Variants in KDM2A observed in about 807,000 individuals in gnomAD.
KDM2A encodes the protein lysine-specific demethylase 2A.
In KDM2A, 3 loss-of-function variants were observed where a neutral mutation model predicts 137.3. The ratio of observed to expected loss-of-function variants is 0.02; its 90% CI spans 0.01 to 0.06. KDM2A has a LOEUF of 0.06. KDM2A is among the 10% of genes least tolerant of loss of function. The pLI, the probability that KDM2A is intolerant of heterozygous loss-of-function variation, is 1.00. For missense variants in KDM2A, 738 were observed against 1,510.6 expected (o/e 0.49, Z 8.48); for synonymous variants, 512 against 541.5 (o/e 0.95, Z 0.76).
At chr11:67,238,518 GT>G (rs1451498423) in intron 12 of KDM2A, among the ~76,000 whole-genome samples, 1 of 152,162 alleles carries the variant, frequency 6.6e-6, no homozygotes, top group African/African-American at 2.4e-5. Context: ...TCCGGGAGAA[GT>G]TTAGGGTTAG....
intron 2 of KDM2A, among the ~76,000 whole-genome samples, chr11:67,143,993 G>A (rs548979645): frequency 1.3e-5 from 2 of 151,056 alleles, no homozygotes; most frequent in South Asian, 2.1e-4. Context: ...CCAGACTGGC[G>A]TGCAGTGGTG....
chr11:67,170,957 C>G (rs2136326364), intron 2 of KDM2A, among the ~76,000 whole-genome samples: 1 of 152,274 alleles, frequency 6.6e-6, no homozygotes, highest in East Asian at 1.9e-4. Context: ...ACATCAATTA[C>G]TAGCTTTGTA....
At chr11:67,218,507 C>G (rs990355647) in intron 9 of KDM2A, among the ~76,000 whole-genome samples, 1 of 152,104 alleles carries the variant, frequency 6.6e-6, no homozygotes, top group African/African-American at 2.4e-5. Context: ...TGGCCTAACA[C>G]AAATTCATAA....
intron 2 of KDM2A, among the ~76,000 whole-genome samples, chr11:67,122,103 A>G (rs915231189): frequency 1.3e-5 from 2 of 152,218 alleles, no homozygotes; most frequent in African/African-American, 4.8e-5. Flanking sequence ...TCACAGTATT[A>G]ATAAAAATCT....
At chr11:67,253,398 T>G in intron 18 of KDM2A, 55 bp from the exon 19 acceptor site, 1 of 1,517,638 alleles carries the variant, frequency 6.6e-7, no homozygotes, top group Non-Finnish European at 9.1e-7. Context: ...TCGTTACGGC[T>G]CTGAGTATGC....
At chr11:67,239,336 T>G (rs1439815209) in intron 12 of KDM2A, among the ~76,000 whole-genome samples, 1 of 152,172 alleles carries the variant, frequency 6.6e-6, no homozygotes, top group African/African-American at 2.4e-5. Flanking sequence ...TGCGCAGACA[T>G]TTCTAGTACT....
At chr11:67,223,618 C>T (rs1170720711) in intron 10 of KDM2A, among the ~76,000 whole-genome samples, 3 of 151,966 alleles carry the variant, frequency 2.0e-5, no homozygotes, top group East Asian at 3.9e-4. Flanking sequence ...CTATGCTGCC[C>T]AGGCTCGTCT....
chr11:67,127,000 C>T (rs1422946657), intron 2 of KDM2A, among the ~76,000 whole-genome samples: 1 of 152,108 alleles, frequency 6.6e-6, no homozygotes, highest in African/African-American at 2.4e-5. Context: ...AACTCTGATG[C>T]AAGTTTGTAT....
chr11:67,128,788 A>G (rs901175734), intron 2 of KDM2A, among the ~76,000 whole-genome samples: 5 of 152,172 alleles, frequency 3.3e-5, no homozygotes, highest in Non-Finnish European at 5.9e-5. Context: ...GTTTTTGTTT[A>G]TGCTGTGTGC....
intron 2 of KDM2A, among the ~76,000 whole-genome samples, chr11:67,146,020 T>TC (rs968810896): frequency 6.7e-6 from 1 of 148,190 alleles, no homozygotes; most frequent in African/African-American, 2.5e-5. Flanking sequence ...TGAGACAGAG[T>TC]CTATCTCTGT....
intron 12 of KDM2A, among the ~76,000 whole-genome samples, chr11:67,237,131 A>G (rs1048059538): frequency 8.5e-5 from 13 of 152,200 alleles, no homozygotes; most frequent in Non-Finnish European, 4.4e-5. Context: ...ATAAATGGTA[A>G]AAACTCTGAA....
At chr11:67,147,972 C>T (rs1274334953) in intron 2 of KDM2A, among the ~76,000 whole-genome samples, 3 of 152,074 alleles carry the variant, frequency 2.0e-5, no homozygotes, top group South Asian at 2.1e-4. Context: ...CTGCCACGCC[C>T]GGCCCTCATT....
At chr11:67,200,890 T>C (rs948003538) in intron 5 of KDM2A, among the ~76,000 whole-genome samples, 12 of 152,016 alleles carry the variant, frequency 7.9e-5, no homozygotes, top group African/African-American at 2.7e-4. Flanking sequence ...TTTAGTCTTA[T>C]TATTTAAGAA....
chr11:67,151,899 C>T (rs1013817752), intron 2 of KDM2A, among the ~76,000 whole-genome samples: 2 of 152,138 alleles, frequency 1.3e-5, no homozygotes, highest in Non-Finnish European at 2.9e-5. Context: ...CATGTACCAC[C>T]ACACCGGGCT....
chr11:67,163,117 T>C (rs138105414), intron 2 of KDM2A, among the ~76,000 whole-genome samples: 85 of 152,334 alleles, frequency 5.6e-4, no homozygotes, highest in African/African-American at 2.0e-3. Context: ...CAGACTGATA[T>C]CCAGAATTTT....
intron 15 of KDM2A, among the ~76,000 whole-genome samples, chr11:67,247,138 A>G (rs1257140899): frequency 1.3e-4 from 14 of 109,878 alleles, no homozygotes; most frequent in Admixed American, 2.7e-4. Context: ...TGCCTAGGCT[A>G]GAGTGCAGTG....
chr11:67,142,696 C>A (rs1292614690), intron 2 of KDM2A, among the ~76,000 whole-genome samples: 2 of 151,438 alleles, frequency 1.3e-5, no homozygotes, highest in African/African-American at 2.4e-5. Context: ...AAGCGTGAGA[C>A]TCCATCTCAA....
chr11:67,159,744 T>G (rs1003325252), intron 2 of KDM2A, among the ~76,000 whole-genome samples: 1 of 152,206 alleles, frequency 6.6e-6, no homozygotes, highest in Non-Finnish European at 1.5e-5. Flanking sequence ...AAAAGAGATT[T>G]CTACTCTCAC....
At chr11:67,209,268 T>C (rs2136384520) in intron 6 of KDM2A, among the ~76,000 whole-genome samples, 1 of 152,036 alleles carries the variant, frequency 6.6e-6, no homozygotes, top group East Asian at 1.9e-4. Context: ...ATCATGTTTA[T>C]TTGATCATAT....
Sources: allele counts gnomAD v4.1 joint callset (sites outside exome capture counted in the v4.1 genomes callset), GRCh38; gene constraint gnomAD v4.1.1; transcripts MANE v1.5; gene names NCBI Gene and HGNC (gene_info 2026-07-23, HGNC 2026-07-21).